The following NCKAP5 variants were observed in gnomAD, a reference collection of about 807,000 sequenced individuals.
NCKAP5 encodes nck-associated protein 5.
A neutral mutation model predicts 167.0 loss-of-function variants in NCKAP5; 92 were observed. That is an observed-to-expected ratio of 0.55 (90% CI 0.47 to 0.66). NCKAP5 has a LOEUF of 0.66. Among genes scored for constraint, NCKAP5 ranks in the 30% least tolerant of loss-of-function variants. The pLI is 0.00. For synonymous variants in NCKAP5, 891 were observed against 877.4 expected (o/e 1.02, Z -0.27); for missense variants, 2,378 against 2,315.0 (o/e 1.03, Z -0.56).
At chr2:132,792,983 C>T (rs1055503747) in intron 12 of NCKAP5, among the ~76,000 whole-genome samples, 1 of 152,024 alleles carries the variant, frequency 6.6e-6, no homozygotes, top group Admixed American at 6.6e-5. Context: ...TGGCCTTGAA[C>T]TTGAGATGCT....
intron 6 of NCKAP5, among the ~76,000 whole-genome samples, chr2:133,076,515 A>C (rs1339210127): frequency 6.6e-6 from 1 of 152,236 alleles, no homozygotes; most frequent in Non-Finnish European, 1.5e-5. Context: ...CAATATTGCA[A>C]TTCCATCTAC....
At chr2:132,809,493 G>A (rs1032924635) in intron 11 of NCKAP5, among the ~76,000 whole-genome samples, 4 of 148,148 alleles carry the variant, frequency 2.7e-5, no homozygotes, top group Non-Finnish European at 4.4e-5. Context: ...TTTTCCTGTC[G>A]GACAAGGCCT....
chr2:133,516,840 A>T (rs1248351893), intron 3 of NCKAP5, among the ~76,000 whole-genome samples: 2 of 152,230 alleles, frequency 1.3e-5, no homozygotes, highest in Admixed American at 1.3e-4. Flanking sequence ...AAGGTGACCC[A>T]CACATGTTGG....
chr2:132,806,600 C>T (rs1306487418), intron 11 of NCKAP5, among the ~76,000 whole-genome samples: 1 of 152,048 alleles, frequency 6.6e-6, no homozygotes, highest in Non-Finnish European at 1.5e-5. Context: ...GTCCTTAGCC[C>T]ACTTTTTGAT....
At chr2:133,371,547 C>T (rs754132114) in intron 3 of NCKAP5, among the ~76,000 whole-genome samples, 14 of 152,156 alleles carry the variant, frequency 9.2e-5, no homozygotes, top group Non-Finnish European at 1.8e-4. Context: ...TGCAATGTTA[C>T]CTAGATAATA....
chr2:133,320,879 G>T (rs907544294), intron 3 of NCKAP5, among the ~76,000 whole-genome samples: 1 of 152,146 alleles, frequency 6.6e-6, no homozygotes, highest in African/African-American at 2.4e-5. Flanking sequence ...CAGGTGAGTT[G>T]GTCACTCTAC....
At chr2:132,889,776 A>G (rs938881038) in intron 8 of NCKAP5, among the ~76,000 whole-genome samples, 2 of 152,220 alleles carry the variant, frequency 1.3e-5, no homozygotes, top group African/African-American at 2.4e-5. Context: ...TTATGAAAGC[A>G]AATAATGTCA....
At chr2:132,789,402 A>G (rs1284299316) in intron 13 of NCKAP5, among the ~76,000 whole-genome samples, 1 of 152,100 alleles carries the variant, frequency 6.6e-6, no homozygotes, top group Non-Finnish European at 1.5e-5. Flanking sequence ...CCTAAATGCA[A>G]CCTTGAGATC....
At chr2:132,898,512 C>T (rs1693376969) in intron 8 of NCKAP5, among the ~76,000 whole-genome samples, 1 of 152,196 alleles carries the variant, frequency 6.6e-6, no homozygotes, top group African/African-American at 2.4e-5. Flanking sequence ...TTATTTTCCC[C>T]AGATCCATCA....
At chr2:132,808,458 G>C (rs1685607462) in intron 11 of NCKAP5, among the ~76,000 whole-genome samples, 1 of 152,002 alleles carries the variant, frequency 6.6e-6, no homozygotes, top group African/African-American at 2.4e-5. Flanking sequence ...GGTCTGTTCA[G>C]GGTATCTAAT....
chr2:133,116,186 G>A (rs1158820824), intron 6 of NCKAP5, among the ~76,000 whole-genome samples: 2 of 148,758 alleles, frequency 1.3e-5, no homozygotes, highest in Non-Finnish European at 3.0e-5. Context: ...TGTAACTTAC[G>A]CAAAATAAGA....
chr2:133,478,883 T>C (rs1267625913), intron 3 of NCKAP5, among the ~76,000 whole-genome samples: 2 of 152,028 alleles, frequency 1.3e-5, no homozygotes, highest in Non-Finnish European at 2.9e-5. Context: ...CCATGTCTTG[T>C]CTAAAGCAGA....
intron 15 of NCKAP5, among the ~76,000 whole-genome samples, chr2:132,777,852 AT>A (rs200347561): frequency 1.4e-4 from 21 of 149,420 alleles, no homozygotes; most frequent in East Asian, 3.9e-4. Flanking sequence ...AGCAGACATG[AT>A]TTTTTTTTTA....
intron 3 of NCKAP5, among the ~76,000 whole-genome samples, chr2:133,427,432 G>A (rs977553237): frequency 3.9e-5 from 6 of 152,126 alleles, no homozygotes; most frequent in African/African-American, 1.4e-4. Flanking sequence ...AATATAGCAT[G>A]ACAGTCTGAT....
chr2:132,728,943 C>G lies in NCKAP5; in HGVS notation c.5453G>C (p.Ser1818Thr). The G allele has an allele frequency of 6.2e-7, 1 of 1,613,934 alleles. No homozygotes were observed. The highest frequency in any genetic ancestry group is 8.5e-7 in the Non-Finnish European group (1 of 1,179,846). ...CTCTGCTTCATTCTGCTTTTGGGAA[C>G]TGACTTTTCCTAAATGAGGACACGT... ...LPKPASSGKVSSQKQNEAEPR... is the reference protein window; with the variant it reads ...LPKPASSGKVTSQKQNEAEPR... The change falls in exon 18 of 20, where the codon AGT (serine) becomes ACT (threonine). Residue 1818 changes from serine to threonine, a missense_variant. By Grantham distance (58) the Ser-to-Thr change is moderately conservative. Coordinates refer to ENST00000409261, the MANE Select transcript of NCKAP5 (RefSeq NM_207363.3).
At chr2:133,109,865 A>G (rs2081851013) in intron 6 of NCKAP5, among the ~76,000 whole-genome samples, 1 of 152,258 alleles carries the variant, frequency 6.6e-6, no homozygotes, top group African/African-American at 2.4e-5. Flanking sequence ...GGCAACATAA[A>G]TTCAATTATT....
chr2:133,284,174 T>C (rs1559350331), intron 4 of NCKAP5, among the ~76,000 whole-genome samples: 3 of 151,724 alleles, frequency 2.0e-5, no homozygotes. Context: ...TATATATATA[T>C]GATTGTATAT....
At chr2:133,361,857 C>A (rs1685125637) in intron 3 of NCKAP5, among the ~76,000 whole-genome samples, 1 of 152,052 alleles carries the variant, frequency 6.6e-6, no homozygotes, top group South Asian at 2.1e-4. Context: ...TATATTAAAT[C>A]CAGTTCATAT....
rs141738240 is a variant in NCKAP5 at position 133,323,277 on chromosome 2, AATT to A, written c.70-20170_70-20168del. ...AATTAAATCAGGAAATGCATGCAAA[AATT>A]ATTAACAGTGTCTGACATAGAGATC... On this transcript the variant is annotated intron_variant, in intron 3 of 19. Coordinates refer to ENST00000409261, the MANE Select transcript of NCKAP5 (RefSeq NM_207363.3). Among the ~76,000 whole-genome samples, 1,139 of 152,338 alleles carry A rather than the reference AATT, an allele frequency of 7.5e-3. 21 individuals are homozygous for A. The highest frequency in any genetic ancestry group is 0.073 in the South Asian group (351 of 4,830).
Sources: allele counts gnomAD v4.1 joint callset (sites outside exome capture counted in the v4.1 genomes callset), GRCh38; gene constraint gnomAD v4.1.1; transcripts MANE v1.5; gene names NCBI Gene and HGNC (gene_info 2026-07-23, HGNC 2026-07-21).